Variants in PM20D2 observed in about 807,000 individuals in gnomAD.
The protein encoded by PM20D2 is xaa-Arg dipeptidase.
A neutral mutation model predicts 42.9 loss-of-function variants in PM20D2; 33 were observed. That is an observed-to-expected ratio of 0.77 (90% CI 0.58 to 1.03). The LOEUF (loss-of-function observed/expected upper bound fraction) is 1.03, where lower values mean the gene tolerates loss of function less well. Among genes scored for constraint, PM20D2 ranks in the 50% least tolerant of loss-of-function variants. PM20D2 has a pLI of 0.00. For synonymous variants in PM20D2, 250 were observed against 228.2 expected, an observed-to-expected ratio of 1.10 and a Z score of -0.86; for missense variants, 548 against 557.0, an observed-to-expected ratio of 0.98 and a Z score of 0.16.
the PM20D2 span, among the ~76,000 whole-genome samples, chr6:89,136,816 T>A: frequency 6.6e-6 from 1 of 151,270 alleles, no homozygotes; most frequent in Non-Finnish European, 1.5e-5. Flanking sequence ...CATTGTAAAG[T>A]TGCCCCAAAA....
At chr6:89,101,917 G>C in the PM20D2 span, among the ~76,000 whole-genome samples, 2 of 150,874 alleles carry the variant, frequency 1.3e-5, no homozygotes, top group Non-Finnish European at 2.9e-5. Context: ...GATGTTTTCA[G>C]ACAAAAGCTG....
chr6:89,153,752 C>T (rs914115521), intron 3 of PM20D2, among the ~76,000 whole-genome samples: 1 of 152,078 alleles, frequency 6.6e-6, no homozygotes, highest in African/African-American at 2.4e-5. Context: ...CAGGCAGACA[C>T]CACCAAACCC....
the PM20D2 span, chr6:89,107,088 G>T: frequency 7.6e-7 from 1 of 1,314,762 alleles, no homozygotes; most frequent in South Asian, 1.2e-5. Context: ...ATATGCTACT[G>T]AATACATATA....
the PM20D2 span, among the ~76,000 whole-genome samples, chr6:89,115,127 T>A: frequency 6.6e-6 from 1 of 150,774 alleles, no homozygotes; most frequent in Non-Finnish European, 1.5e-5. Flanking sequence ...TCTCTAAAGG[T>A]CTCTCTGTCA....
chr6:89,151,759 T>C (rs1212216566), intron 2 of PM20D2, among the ~76,000 whole-genome samples: 1 of 152,110 alleles, frequency 6.6e-6, no homozygotes, highest in Non-Finnish European at 1.5e-5. Context: ...ATATAATCCT[T>C]CTCGTTTTTA....
intron 5 of PM20D2, among the ~76,000 whole-genome samples, chr6:89,161,506 T>G: frequency 6.6e-6 from 1 of 150,532 alleles, no homozygotes; most frequent in Admixed American, 6.6e-5. Flanking sequence ...AGAAAGGGAG[T>G]AGGTGGCAGT....
intron 6 of PM20D2, 100 bp from the exon 7 acceptor site, chr6:89,162,009 G>A (rs1415176105): frequency 6.7e-7 from 1 of 1,488,216 alleles, no homozygotes; most frequent in Non-Finnish European, 9.3e-7. Context: ...CTGCACTGTG[G>A]TGGGCAGTTG....
At chr6:89,136,638 A>C in the PM20D2 span, among the ~76,000 whole-genome samples, 1 of 151,042 alleles carries the variant, frequency 6.6e-6, no homozygotes, top group African/African-American at 2.5e-5. Flanking sequence ...AGATCGCGCC[A>C]CTGCACTCCA....
upstream of PM20D2, chr6:89,146,039 G>A: frequency 9.8e-7 from 1 of 1,020,572 alleles, no homozygotes; most frequent in Non-Finnish European, 1.3e-6. Flanking sequence ...GGCCGCGTGC[G>A]CGCTCCGCCG....
At chr6:89,101,980 G>T in the PM20D2 span, among the ~76,000 whole-genome samples, 6 of 151,018 alleles carry the variant, frequency 4.0e-5, no homozygotes, top group Non-Finnish European at 7.4e-5. Flanking sequence ...AATATTCACT[G>T]CCCTGGTACT....
chr6:89,094,037 C>T, the PM20D2 span, among the ~76,000 whole-genome samples: 1 of 149,268 alleles, frequency 6.7e-6, no homozygotes, highest in South Asian at 2.1e-4. Context: ...TTTCCTGCCT[C>T]AGCCTCCTGA....
chr6:89,096,659 C>T, the PM20D2 span: 1 of 149,992 alleles, frequency 6.7e-6, no homozygotes, highest in African/African-American at 2.5e-5. Context: ...CACAATGGTA[C>T]CTAGTTATTA....
At chr6:89,113,100 T>C in the PM20D2 span, among the ~76,000 whole-genome samples, 1 of 152,220 alleles carries the variant, frequency 6.6e-6, no homozygotes. Context: ...TCTCTGTCCT[T>C]AACTGATGCA....
chr6:89,118,093 G>GGGCGGGGGCGGGGGCGGC, the PM20D2 span: 3 of 155,612 alleles, frequency 1.9e-5, no homozygotes, highest in African/African-American at 7.3e-5. Context: ...CCGGGGGCGG[G>GGGCGGGGGCGGGGGCGGC]GGCGGCGCCG....
intron 5 of PM20D2, among the ~76,000 whole-genome samples, chr6:89,159,324 G>A (rs1323495442): frequency 2.0e-5 from 3 of 152,310 alleles, no homozygotes; most frequent in South Asian, 4.1e-4. Context: ...AATCAGGAGA[G>A]AGGAGAAGTC....
chr6:89,097,754 G>C, the PM20D2 span: 24 of 152,146 alleles, frequency 1.6e-4, no homozygotes, highest in African/African-American at 5.8e-4. Context: ...TTAAGCAACA[G>C]ATGAAAAGTA....
the PM20D2 span, chr6:89,118,047 AG>A: frequency 2.5e-3 from 1,214 of 487,282 alleles, 19 homozygotes; most frequent in African/African-American, 0.025. Flanking sequence ...GCCGGCGCAG[AG>A]GGGGCGCAGC....
At chr6:89,124,746 T>TTTTTTTA in the PM20D2 span, among the ~76,000 whole-genome samples, 1 of 144,784 alleles carries the variant, frequency 6.9e-6, no homozygotes, top group Non-Finnish European at 1.5e-5. Flanking sequence ...GTTTTTTTTT[T>TTTTTTTA]TTTTTTCAAT....
At position 89,163,363 on chromosome 6, in the gene PM20D2, A is replaced by T. The variant is rs41273305; in HGVS notation, c.*1100A>T. The T allele has an allele frequency of 6.6e-6, 1 of 152,004 alleles. No individual in the cohort carries two copies. The allele number at this position is 152,004 out of a possible 1,614,324, so 9.4% of individuals were successfully genotyped here. A position where few individuals can be genotyped will look rare whatever the true frequency, so the allele number is the denominator to read the frequency against. ...AAAAAAATTTTTATTTTTTTACATA[A>T]TAGAGACAGGGGCTCGCTGTAGCTT... On this transcript the variant is annotated 3_prime_UTR_variant, in exon 7 of 7. Coordinates refer to ENST00000275072, the MANE Select transcript of PM20D2 (RefSeq NM_001010853.3).
Sources: gnomAD v4.1 joint callset for allele counts (sites outside exome capture counted in the v4.1 genomes callset) on GRCh38, gnomAD v4.1.1 for gene constraint, MANE v1.5 for transcripts, NCBI Gene and HGNC (gene_info 2026-07-23, HGNC 2026-07-21) for gene names.